The following MMP15 variants were observed in gnomAD, a reference collection of about 807,000 sequenced individuals.
MMP15 encodes the protein matrix metalloproteinase-15.
Under a neutral mutation model 65.0 loss-of-function variants are expected in MMP15, and 36 were observed. The observed-to-expected ratio is 0.55, with a 90% CI of 0.42 to 0.73. The LOEUF (loss-of-function observed/expected upper bound fraction) is 0.73, where lower values mean the gene tolerates loss of function less well. MMP15 is among the 30% of genes least tolerant of loss of function. The pLI, the probability that MMP15 is intolerant of heterozygous loss-of-function variation, is 0.00. For synonymous variants in MMP15, 428 were observed against 410.2 expected (o/e 1.04, Z -0.52); for missense variants, 870 against 987.8 (o/e 0.88, Z 1.60).
Position 58,040,058 on chromosome 16 carries a change from C to T in MMP15, c.624C>T (p.Asp208=). ...TCTTTGCCTCTGGCTTCCACGGCGA[C>T]AGCTCGCCGTTTGATGGCACCGGTG... The part of the protein sequence containing the change: ...MVLFASGFHG[D]SSPFDGTGGF... Residue 208 remains aspartate (D), a synonymous_variant, in exon 4 of 10, where the codon GAC becomes GAT. Transcript: ENST00000219271. The T allele has an allele frequency of 1.9e-6, 3 of 1,614,150 alleles. No individual in the cohort carries two copies. The highest frequency in any genetic ancestry group is 2.5e-6 in the Non-Finnish European group (3 of 1,180,050).
chr16:58,043,814 C>CT (rs1365417467), intron 9 of MMP15, among the ~76,000 whole-genome samples, 187 bp downstream of exon 9: 1 of 152,202 alleles, frequency 6.6e-6, no homozygotes, highest in African/African-American at 2.4e-5. Flanking sequence ...TTAAAATTCC[C>CT]TTTTTACAGA....
Position 58,043,313 on chromosome 16 carries a change from C to T in MMP15, c.1407C>T (p.Ala469=). The T allele has an allele frequency of 6.2e-7, 1 of 1,605,848 alleles. No homozygotes were observed. The highest frequency in any genetic ancestry group is 8.5e-7 in the Non-Finnish European group (1 of 1,175,272). The change falls in exon 8 of 10, where the codon GCC becomes GCT. Residue 469 remains alanine (A), a synonymous_variant. Transcript: ENST00000219271. ...LGIPYDRIDT[A]IWWEPTGHTF... is the part of the protein sequence containing the mutation. ...TCCCCTATGACCGCATTGACACGGC[C>T]ATCTGGTGGGAGCCCACAGGCCACA...
chr16:58,042,649 G>A (rs529365567), intron 7 of MMP15, among the ~76,000 whole-genome samples: 21 of 152,344 alleles, frequency 1.4e-4, no homozygotes, highest in African/African-American at 5.1e-4. Flanking sequence ...TTTGCCTCCT[G>A]CAGCCCCATC....
Position 58,041,776 on chromosome 16 carries a change from G to A in MMP15, c.1070G>A (p.Arg357Gln), listed in dbSNP as rs535498144. 54 of 1,610,082 alleles carry A rather than the reference G, an allele frequency of 3.4e-5. No individual in the cohort carries two copies. The highest frequency in any genetic ancestry group is 1.3e-4 in the Admixed American group (8 of 59,662). The change falls in exon 6 of 10, where the codon CGA (arginine) becomes CAA (glutamine). Residue 357 changes from arginine to glutamine, a missense_variant. Coordinates refer to ENST00000219271, the MANE Select transcript of MMP15 (RefSeq NM_002428.4). ...PPKPGPPVQP[R>Q]ATERPDQYGP... ...AAGCCGGGCCCCCCAGTCCAGCCCC[G>A]AGCCACAGAGCGGCCCGACCAGTAT...
intron 1 of MMP15, among the ~76,000 whole-genome samples, chr16:58,034,830 G>A (rs946755940): frequency 6.6e-6 from 1 of 152,150 alleles, no homozygotes; most frequent in Admixed American, 6.5e-5. Flanking sequence ...CCCTGAGCTG[G>A]CCCCGGGGTT....
At chr16:58,029,201 C>T (rs971544027) in intron 1 of MMP15, among the ~76,000 whole-genome samples, 6 of 152,210 alleles carry the variant, frequency 3.9e-5, no homozygotes, top group Admixed American at 3.3e-4. Flanking sequence ...GGGGTGGGGG[C>T]GTTGGGAGGG....
chr16:58,041,891 C>G, intron 6 of MMP15, 21 bp downstream of exon 6: 1 of 1,558,944 alleles, frequency 6.4e-7, no homozygotes, highest in Non-Finnish European at 8.7e-7. Context: ...GCCTCCCATG[C>G]CTGGCCCTGA....
intron 2 of MMP15, among the ~76,000 whole-genome samples, chr16:58,037,862 C>T (rs1597064517): frequency 6.6e-6 from 1 of 152,204 alleles, no homozygotes; most frequent in East Asian, 1.9e-4. Flanking sequence ...TTAGTGATGT[C>T]TGACATGGCC....
chr16:58,029,018 C>T (rs1005823590), intron 1 of MMP15, among the ~76,000 whole-genome samples: 1 of 152,242 alleles, frequency 6.6e-6, no homozygotes, highest in African/African-American at 2.4e-5. Context: ...TCCCCCTACC[C>T]CCTCCTCCCA....
chr16:58,041,936 A>C (rs1597066519), intron 6 of MMP15, 66 bp downstream of exon 6: 3 of 1,496,672 alleles, frequency 2.0e-6, no homozygotes. Flanking sequence ...CCCCTGTCCC[A>C]CCCTCACTCA....
chr16:58,030,025 TGTG>T (rs572330500), intron 1 of MMP15, among the ~76,000 whole-genome samples: 36 of 152,278 alleles, frequency 2.4e-4, no homozygotes, highest in African/African-American at 8.7e-4. Context: ...TCAGGCTAGC[TGTG>T]GTGGTCACTA....
rs1406166558 is a variant in MMP15 at position 58,045,419 on chromosome 16, C to G, written c.1983C>G (p.Cys661Trp). Reference protein sequence around the residue: ...RKGAPRVLLYCKRSLQEWV With the variant: ...RKGAPRVLLYWKRSLQEWV ...GTGCGCCACGTGTCCTGCTTTACTGCAAGCGCTCGCTGCAGGAGTGGGTCT... is the reference window on the plus strand; with the variant it reads ...GTGCGCCACGTGTCCTGCTTTACTGGAAGCGCTCGCTGCAGGAGTGGGTCT... Residue 661 changes from cysteine (C) to tryptophan (W), a missense_variant, in exon 10 of 10, where the codon TGC (cysteine) becomes TGG (tryptophan). Physicochemically the swap from Cys to Trp is radical, Grantham distance 215. Coordinates refer to ENST00000219271, the MANE Select transcript of MMP15 (RefSeq NM_002428.4). 10 of 1,554,144 alleles carry G rather than the reference C, an allele frequency of 6.4e-6. No individual in the cohort carries two copies. The highest frequency in any genetic ancestry group is 1.2e-5 in the South Asian group (1 of 83,776).
Position 58,040,051 on chromosome 16 carries a change from A to G in MMP15, c.617A>G (p.His206Arg), listed in dbSNP as rs777010785. 6.2e-7 allele frequency: 1 copy of G among 1,614,146 alleles called. No homozygotes were observed. Residue 206 changes from histidine (H) to arginine (R), a missense_variant, in exon 4 of 10, where the codon CAC becomes CGC. His to Arg is a conservative substitution (Grantham distance 29). Transcript: ENST00000219271. Reference sequence around the variant, plus strand: ...ATGGTACTCTTTGCCTCTGGCTTCCACGGCGACAGCTCGCCGTTTGATGGC... The same window carrying G: ...ATGGTACTCTTTGCCTCTGGCTTCCGCGGCGACAGCTCGCCGTTTGATGGC... ...DIMVLFASGF[H>R]GDSSPFDGTG...
At chr16:58,034,302 T>G (rs1376482039) in intron 1 of MMP15, among the ~76,000 whole-genome samples, 4 of 152,264 alleles carry the variant, frequency 2.6e-5, no homozygotes, top group African/African-American at 9.6e-5. Context: ...AGCAGAGCAG[T>G]TCAGCAAGCT....
chr16:58,026,451 TG>T lies in MMP15; in HGVS notation c.103del (p.Val35CysfsTer10). 2 of 1,452,432 alleles carry T rather than the reference TG, an allele frequency of 1.4e-6. No individual in the cohort carries two copies. The highest frequency in any genetic ancestry group is 2.7e-5 in the Admixed American group (1 of 37,146). The allele number at this position is 1,452,432 out of a possible 1,614,324, so 90.0% of individuals were successfully genotyped here. On this transcript the variant is annotated frameshift_variant, in exon 1 of 10. Transcript: ENST00000219271. LOFTEE classifies it high-confidence loss of function. Reference sequence around the variant, plus strand: ...CGGCCGCGACTGCTGCCGCTGCTCCTGGTGCTTCTGGGCTGCCTGGGCCTTG... The same window carrying T: ...CGGCCGCGACTGCTGCCGCTGCTCCTGTGCTTCTGGGCTGCCTGGGCCTTG... ...AARPRLLPLL[L>X]VLLGCLGLGV... is the part of the protein sequence containing the mutation.
chr16:58,045,352 T>C lies in MMP15; in HGVS notation c.1916T>C (p.Val639Ala). ...GTGCCACTGCTGCTGCTGCTCTGCG[T>C]CCTGGGCCTCACCTACGCGCTGGTG... ...VLVPLLLLLC[V>A]LGLTYALVQM... The change falls in exon 10 of 10, where the codon GTC becomes GCC. Residue 639 changes from valine to alanine, a missense_variant. Physicochemically the swap from Val to Ala is moderately conservative, Grantham distance 64. Transcript: ENST00000219271. 9 of 1,602,748 alleles carry C rather than the reference T, an allele frequency of 5.6e-6. No homozygotes were observed. Among genetic ancestry groups the C allele is most frequent in the Non-Finnish European group, 7.6e-6 (9 of 1,176,540 alleles).
chr16:58,040,580 G>T lies in MMP15; in HGVS notation c.792G>T (p.Ala264=), dbSNP rs764416060. ...TGGCAGTGCATGAGCTGGGCCACGC[G>T]CTGGGGCTGGAGCACTCCAGCAACC... ...FLVAVHELGH[A]LGLEHSSNPN... is the part of the protein sequence containing the mutation. The change falls in exon 5 of 10, where the codon GCG becomes GCT. Residue 264 remains alanine (A), a synonymous_variant. Coordinates refer to ENST00000219271, the MANE Select transcript of MMP15 (RefSeq NM_002428.4). 1.2e-6 allele frequency: 2 copies of T among 1,613,996 alleles called. No individual in the cohort carries two copies. Among genetic ancestry groups the T allele is most frequent in the Non-Finnish European group, 1.7e-6 (2 of 1,180,044 alleles).
rs1959475952 is a variant in MMP15 at position 58,042,382 on chromosome 16, A to T, written c.1303+13A>T. On this transcript the variant is annotated intron_variant, in intron 7 of 9. Transcript: ENST00000219271. Reference sequence around the variant, plus strand: ...GTCTTTTTCAAAGGTGAGCAGAGGTAGGGTTAGAGGGTTGGGCACGCCTCC... The same window carrying T: ...GTCTTTTTCAAAGGTGAGCAGAGGTTGGGTTAGAGGGTTGGGCACGCCTCC... 6.2e-7 allele frequency: 1 copy of T among 1,613,284 alleles called. No homozygotes were observed. The highest frequency in any genetic ancestry group is 8.5e-7 in the Non-Finnish European group (1 of 1,179,538).
intron 1 of MMP15, among the ~76,000 whole-genome samples, chr16:58,028,162 C>A (rs1434675517): frequency 6.6e-6 from 1 of 152,142 alleles, no homozygotes; most frequent in African/African-American, 2.4e-5. Context: ...GGGCTTCACT[C>A]TCTCTCTCTT....
Sources: gnomAD v4.1 joint callset for allele counts (sites outside exome capture counted in the v4.1 genomes callset) on GRCh38, gnomAD v4.1.1 for gene constraint, MANE v1.5 for transcripts, NCBI Gene and HGNC (gene_info 2026-07-23, HGNC 2026-07-21) for gene names.